INTS12: variants seen among roughly 807,000 people sequenced by gnomAD.
INTS12 encodes integrator complex subunit 12.
INTS12 carries 13 observed loss-of-function variants against 41.6 expected under a neutral mutation model. That is an observed-to-expected ratio of 0.31 (90% CI 0.20 to 0.50). The LOEUF (loss-of-function observed/expected upper bound fraction) is 0.50, where lower values mean the gene tolerates loss of function less well. INTS12 is among the 20% of genes least tolerant of loss of function. The probability of loss-of-function intolerance (pLI) is 0.98; values close to 1 mark genes in which losing one functional copy is unlikely to be tolerated. For missense variants in INTS12, 432 were observed against 541.6 expected (o/e 0.80, Z 2.01); for synonymous variants, 199 against 191.4 (o/e 1.04, Z -0.33).
intron 3 of INTS12, among the ~76,000 whole-genome samples, chr4:105,698,343 T>G (rs2149187269): frequency 6.6e-6 from 1 of 152,298 alleles, no homozygotes; most frequent in South Asian, 2.1e-4. Context: ...TAAATCACTC[T>G]TCTTACACAA....
rs145606118 is a variant in INTS12, at chr4:105,689,241, C to T, written c.658-2403G>A. Among the ~76,000 whole-genome samples, 14 of 152,342 alleles carry T rather than the reference C, an allele frequency of 9.2e-5. No homozygotes were observed. The East Asian group carries it at 2.7e-3, about 29-fold the overall frequency. ...CAACATTCTTAACTAGGTCTTCCTA[C>T]AATGATGTGTACCGCAGAACTTGCC... On this transcript the variant is annotated intron_variant, in intron 6 of 7. Coordinates refer to ENST00000340139, the MANE Select transcript of INTS12 (RefSeq NM_020395.4).
intron 2 of INTS12, among the ~76,000 whole-genome samples, chr4:105,700,864 A>G (rs1560781335): frequency 1.3e-5 from 2 of 152,174 alleles, no homozygotes; most frequent in African/African-American, 2.4e-5. Flanking sequence ...GTTAATACCA[A>G]TGCTATCATG....
intron 3 of INTS12, among the ~76,000 whole-genome samples, chr4:105,699,355 T>C (rs1431506301): frequency 6.6e-6 from 1 of 152,196 alleles, no homozygotes; most frequent in Non-Finnish European, 1.5e-5. Context: ...TCTTTTCACA[T>C]AAAGCTGCCA....
rs907486355 is a variant in INTS12 at position 105,703,766 on chromosome 4, A to C, written c.-128T>G. 1 of 152,124 alleles carries C rather than the reference A, an allele frequency of 6.6e-6. No individual in the cohort carries two copies. The highest frequency in any genetic ancestry group is 2.4e-5 in the African/African-American group (1 of 41,406). The allele number at this position is 152,124 out of a possible 1,614,324, so 9.4% of individuals were successfully genotyped here. On this transcript the variant is annotated 5_prime_UTR_variant, in exon 2 of 8. An upstream start codon of the reference 5' UTR is lost. Coordinates refer to ENST00000340139, the MANE Select transcript of INTS12 (RefSeq NM_020395.4). ...TGCAAAGATCAGTTATACTTCCTCC[A>C]TTTTCTTTTAAAATTGCTTCTGTGT...
At chr4:105,694,744 G>A (rs970010235) in intron 4 of INTS12, among the ~76,000 whole-genome samples, 4 of 152,136 alleles carry the variant, frequency 2.6e-5, no homozygotes, top group South Asian at 2.1e-4. Context: ...GAGGGCAAGG[G>A]TTACTGAAGA....
intron 2 of INTS12, among the ~76,000 whole-genome samples, chr4:105,701,647 T>G (rs1488593440): frequency 2.6e-5 from 4 of 152,216 alleles, no homozygotes; most frequent in Admixed American, 2.0e-4. Flanking sequence ...TTTTTTTTCT[T>G]TAAATTCCAC....
At position 105,690,142 on chromosome 4, in the gene INTS12, G is replaced by C. The variant is rs1731634263; in HGVS notation, c.657+1834C>G. 3.3e-5 allele frequency among the ~76,000 whole-genome samples: 5 copies of C among 152,216 alleles called. No homozygotes were observed. In the South Asian group the frequency reaches 1.0e-3, roughly 32 times the overall value. On this transcript the variant is annotated intron_variant, in intron 6 of 7. Transcript: ENST00000340139. Reference sequence around the variant, plus strand: ...AAAGTTCTCCACATATTCAGGGAATGACACACTTAGTCTGTGTCAGAGTGG... The same window carrying C: ...AAAGTTCTCCACATATTCAGGGAATCACACACTTAGTCTGTGTCAGAGTGG...
At chr4:105,697,597 C>T (rs541506143) in intron 3 of INTS12, among the ~76,000 whole-genome samples, 14 of 152,180 alleles carry the variant, frequency 9.2e-5, no homozygotes, top group Admixed American at 7.8e-4. Context: ...TGTATGGCTG[C>T]GTTCACATTA....
intron 1 of INTS12, among the ~76,000 whole-genome samples, chr4:105,707,158 A>G (rs1013632424): frequency 2.6e-5 from 4 of 152,034 alleles, no homozygotes; most frequent in Non-Finnish European, 5.9e-5. Context: ...CTATTTTTAT[A>G]TATCTACATC....
chr4:105,684,273 A>G (rs1400090368), intron 7 of INTS12, among the ~76,000 whole-genome samples: 1 of 152,178 alleles, frequency 6.6e-6, no homozygotes, highest in Non-Finnish European at 1.5e-5. Flanking sequence ...TATTCAAATT[A>G]ATTTTGAATT....
At chr4:105,697,218 A>G (rs530675087) in intron 3 of INTS12, among the ~76,000 whole-genome samples, 1 of 152,168 alleles carries the variant, frequency 6.6e-6, no homozygotes, top group Non-Finnish European at 1.5e-5. Context: ...ATAACTTGTT[A>G]TTTGTTGTCA....
At chr4:105,701,233 CTTTTTT>C (rs57389075) in intron 2 of INTS12, among the ~76,000 whole-genome samples, 12 of 132,788 alleles carry the variant, frequency 9.0e-5, no homozygotes, top group Admixed American at 8.3e-4. Flanking sequence ...CATCCCTAGG[CTTTTTT>C]TTTTTTTTTT....
chr4:105,686,626 A>T, intron 7 of INTS12, 66 bp downstream of exon 7: 1 of 1,283,726 alleles, frequency 7.8e-7, no homozygotes, highest in Non-Finnish European at 1.1e-6. Flanking sequence ...TTTTTTATCA[A>T]GCAACTATTT....
intron 7 of INTS12, 31 bp downstream of exon 7, chr4:105,686,661 T>C (rs1311830503): frequency 4.6e-6 from 7 of 1,520,528 alleles, no homozygotes; most frequent in South Asian, 1.2e-5. Context: ...CTTTAAGATA[T>C]AATCTTAGAT....
At chr4:105,685,526 A>G (rs1446919477) in intron 7 of INTS12, among the ~76,000 whole-genome samples, 1 of 152,148 alleles carries the variant, frequency 6.6e-6, no homozygotes, top group Non-Finnish European at 1.5e-5. Flanking sequence ...ATAATTATCA[A>G]TAAGTTTTTA....
rs761246787 is a variant in INTS12 at position 105,682,988 on chromosome 4, A to G, written c.1134T>C (p.Ser378=). Residue 378 remains serine, a synonymous_variant, in exon 8 of 8, where the codon AGT becomes AGC. Coordinates refer to ENST00000340139, the MANE Select transcript of INTS12 (RefSeq NM_020395.4). ...LGKTGLSRSV[S]CDNVSKVGLP... ...GACCTACTTTGCTGACATTGTCACA[A>G]CTAACTGAGCGACTAAGGCCAGTTT... 19 of 1,614,136 alleles carry G rather than the reference A, an allele frequency of 1.2e-5. No individual in the cohort carries two copies. Among genetic ancestry groups the G allele is most frequent in the South Asian group, 8.8e-5 (8 of 91,078 alleles).
chr4:105,683,901 G>C (rs1424911989), intron 7 of INTS12, among the ~76,000 whole-genome samples: 1 of 152,068 alleles, frequency 6.6e-6, no homozygotes, highest in African/African-American at 2.4e-5. Flanking sequence ...AGTTACAGGA[G>C]TACAAAATAT....
At chr4:105,708,058 C>T (rs968604353) in intron 1 of INTS12, 6 of 985,318 alleles carry the variant, frequency 6.1e-6, no homozygotes, top group Non-Finnish European at 7.2e-6. Context: ...CATGACTTCG[C>T]AAGCTCTTGC....
intron 1 of INTS12, among the ~76,000 whole-genome samples, chr4:105,704,855 A>G (rs545717339): frequency 1.1e-4 from 17 of 152,052 alleles, no homozygotes; most frequent in African/African-American, 4.1e-4. Flanking sequence ...ACATACCTCA[A>G]ATCTATCCAC....
Sources: gnomAD v4.1 joint callset for allele counts (sites outside exome capture counted in the v4.1 genomes callset) on GRCh38, gnomAD v4.1.1 for gene constraint, MANE v1.5 for transcripts, NCBI Gene and HGNC (gene_info 2026-07-23, HGNC 2026-07-21) for gene names.